The following LAMA3 variants were observed in gnomAD, a reference collection of about 807,000 sequenced individuals.
The protein encoded by LAMA3 is laminin subunit alpha 3, also known as laminin subunit alpha-3.
In LAMA3, 281 loss-of-function variants were observed where a neutral mutation model predicts 402.0. The ratio of observed to expected loss-of-function variants is 0.70; its 90% confidence interval spans 0.63 to 0.77. LAMA3 has a LOEUF of 0.77. Ranked by LOEUF, LAMA3 falls within the 30% of genes least tolerant of loss-of-function variation. LAMA3 has a pLI of 0.00. For missense variants in LAMA3, 3,840 were observed against 4,215.5 expected (o/e 0.91, Z 2.47); for synonymous variants, 1,431 against 1,558.4 (o/e 0.92, Z 1.93).
chr18:23,857,708 C>T (rs750526420), intron 32 of LAMA3, 136 bp from the exon 33 acceptor site: 101 of 1,087,876 alleles, frequency 9.3e-5, no homozygotes, highest in Non-Finnish European at 1.3e-4. Context: ...TCTCTCCATT[C>T]TGCCTTGGAC....
intron 38 of LAMA3, chr18:23,872,995 G>C: frequency 6.2e-7 from 1 of 1,612,160 alleles, no homozygotes; most frequent in Non-Finnish European, 8.5e-7. Flanking sequence ...GCAGGTATAA[G>C]AGGAAGAGGC....
At chr18:23,833,795 G>C (rs747010355) in intron 23 of LAMA3, 33 bp from the exon 24 acceptor site, 6 of 1,611,834 alleles carry the variant, frequency 3.7e-6, no homozygotes, top group Non-Finnish European at 5.1e-6. Context: ...GTCACAGCTG[G>C]ATCACAGTCT....
intron 6 of LAMA3, among the ~76,000 whole-genome samples, chr18:23,755,640 A>G (rs1263451347): frequency 6.6e-6 from 1 of 152,248 alleles, no homozygotes; most frequent in Non-Finnish European, 1.5e-5. Context: ...TGCTGCATGG[A>G]TAAGCGGAAG....
At chr18:23,759,394 C>G (rs2061923600) in intron 7 of LAMA3, among the ~76,000 whole-genome samples, 1 of 151,592 alleles carries the variant, frequency 6.6e-6, no homozygotes, top group Non-Finnish European at 1.5e-5. Context: ...CTAAGACATC[C>G]AACTATAGAT....
At chr18:23,855,820 G>A (rs984068780) in intron 32 of LAMA3, among the ~76,000 whole-genome samples, 4 of 152,128 alleles carry the variant, frequency 2.6e-5, no homozygotes, top group Admixed American at 1.3e-4. Flanking sequence ...CTTCCTTATG[G>A]AATCATTTCT....
chr18:23,914,620 A>C, intron 57 of LAMA3, 59 bp downstream of exon 57: 1 of 1,607,736 alleles, frequency 6.2e-7, no homozygotes, highest in East Asian at 2.2e-5. Context: ...CATGTTGCTG[A>C]ACCCCATTTT....
At chr18:23,775,979 G>A in intron 10 of LAMA3, 56 bp downstream of exon 10, 1 of 1,598,816 alleles carries the variant, frequency 6.3e-7, no homozygotes, top group Non-Finnish European at 8.6e-7. Flanking sequence ...GCTGGCTTTT[G>A]TGCACTAACC....
At chr18:23,823,433 G>A (rs746979756) in intron 20 of LAMA3, among the ~76,000 whole-genome samples, 10 of 152,162 alleles carry the variant, frequency 6.6e-5, no homozygotes, top group Admixed American at 2.6e-4. Flanking sequence ...ATTTTGCTTC[G>A]TTTCCTTGTC....
chr18:23,839,805 C>A lies in LAMA3; in HGVS notation c.3212C>A (p.Ala1071Asp). Residue 1071 changes from alanine (A) to aspartate (D), a missense_variant, in exon 27 of 75, where the codon GCC (alanine) becomes GAC (aspartate). Physicochemically the swap from Ala to Asp is moderately radical, Grantham distance 126. Coordinates refer to ENST00000313654, the MANE Select transcript of LAMA3 (RefSeq NM_198129.4). The surrounding 1 kb of genome is among the most constrained non-coding windows in gnomAD (Gnocchi z 4.5). ...TTCAGTGCCACCTGTGTCTCCTTGG[C>A]CCATGAAACTCCTCCAACAGCATTA... Reference protein sequence around the residue: ...VNQSATCVSLAHETPPTALIL... With the variant: ...VNQSATCVSLDHETPPTALIL... 6.2e-7 allele frequency: 1 copy of A among 1,614,098 alleles called. No homozygotes were observed. Among genetic ancestry groups the A allele is most frequent in the Non-Finnish European group, 8.5e-7 (1 of 1,179,958 alleles).
intron 47 of LAMA3, among the ~76,000 whole-genome samples, 165 bp from the exon 48 acceptor site, chr18:23,900,962 T>G (rs146513794): frequency 1.3e-5 from 2 of 152,330 alleles, no homozygotes; most frequent in East Asian, 3.9e-4. Flanking sequence ...ACATGTACAG[T>G]GCACATAGCA....
intron 41 of LAMA3, among the ~76,000 whole-genome samples, chr18:23,887,275 G>A (rs1032217157): frequency 3.9e-5 from 6 of 152,138 alleles, no homozygotes; most frequent in Admixed American, 6.5e-5. Flanking sequence ...CTGCAATTAG[G>A]AGGTATATCC....
At chr18:23,774,036 C>T (rs2143876830) in intron 9 of LAMA3, among the ~76,000 whole-genome samples, 1 of 152,256 alleles carries the variant, frequency 6.6e-6, no homozygotes, top group South Asian at 2.1e-4. Flanking sequence ...GCCTGGTCAA[C>T]ATGGTGAAAA....
intron 12 of LAMA3, among the ~76,000 whole-genome samples, chr18:23,801,748 T>A (rs2062869274): frequency 6.6e-6 from 1 of 152,242 alleles, no homozygotes; most frequent in Non-Finnish European, 1.5e-5. Flanking sequence ...CTAACGGAGA[T>A]GATATCTCAT....
At position 23,949,822 on chromosome 18, in the gene LAMA3, C is replaced by T; in HGVS notation, c.9409C>T (p.Pro3137Ser). Residue 3137 changes from proline (P) to serine (S), a missense_variant, in exon 71 of 75, where the codon CCC (proline) becomes TCC (serine). Coordinates refer to ENST00000313654, the MANE Select transcript of LAMA3 (RefSeq NM_198129.4). ...GAAGAACTTTCAGCTGGATTCAAAA[C>T]CCTTGTATACCCCTTCTTCAAGCTT... ...CLKNFQLDSK[P>S]LYTPSSSFGV... The T allele has an allele frequency of 6.2e-7, 1 of 1,614,024 alleles. No individual in the cohort carries two copies. The highest frequency in any genetic ancestry group is 8.5e-7 in the Non-Finnish European group (1 of 1,179,994).
chr18:23,870,056 G>A (rs2064471417), intron 37 of LAMA3, among the ~76,000 whole-genome samples: 1 of 152,088 alleles, frequency 6.6e-6, no homozygotes, highest in African/African-American at 2.4e-5. Context: ...TGTAATTGCA[G>A]CACTCTGGGA....
intron 12 of LAMA3, among the ~76,000 whole-genome samples, chr18:23,807,459 T>A (rs2062984534): frequency 7.9e-6 from 1 of 126,490 alleles, no homozygotes; most frequent in Admixed American, 1.0e-4. Context: ...ATTGTGTGAG[T>A]GTGTGTGTGT....
intron 2 of LAMA3, among the ~76,000 whole-genome samples, chr18:23,727,480 C>A (rs555309342): frequency 1.3e-3 from 200 of 152,222 alleles, no homozygotes; most frequent in African/African-American, 4.6e-3. Flanking sequence ...CACATGCCAC[C>A]ACACCTGGCT....
intron 8 of LAMA3, among the ~76,000 whole-genome samples, chr18:23,766,503 G>A (rs1324199496): frequency 6.6e-6 from 1 of 152,172 alleles, no homozygotes; most frequent in Non-Finnish European, 1.5e-5. Context: ...AAGAAATGAA[G>A]AGTATGGTAT....
intron 41 of LAMA3, among the ~76,000 whole-genome samples, chr18:23,886,742 A>G (rs187239560): frequency 5.2e-5 from 8 of 152,388 alleles, no homozygotes; most frequent in Admixed American, 1.3e-4. Context: ...GAATTCAACC[A>G]GATTTCAAGT....
Sources: gnomAD v4.1 joint callset for allele counts (sites outside exome capture counted in the v4.1 genomes callset) on GRCh38, gnomAD v4.1.1 for gene constraint, Gnocchi (gnomAD v3.1) non-coding constraint, MANE v1.5 for transcripts, NCBI Gene and HGNC (gene_info 2026-07-23, HGNC 2026-07-21) for gene names.